Variants in DCT observed in about 807,000 individuals in gnomAD.
The protein encoded by DCT is L-dopachrome tautomerase.
Under a neutral mutation model 53.0 loss-of-function variants are expected in DCT, and 47 were observed. The ratio of observed to expected loss-of-function variants is 0.89; its 90% CI spans 0.70 to 1.13. The LOEUF (loss-of-function observed/expected upper bound fraction) is 1.13, where lower values mean the gene tolerates loss of function less well. Among genes scored for constraint, DCT ranks in the 50% most tolerant of loss-of-function variants. The pLI is 0.00. For synonymous variants in DCT, 244 were observed against 237.0 expected, an observed-to-expected ratio of 1.03 and a Z score of -0.27; for missense variants, 669 against 637.4, an observed-to-expected ratio of 1.05 and a Z score of -0.53.
chr13:94,448,797 G>A lies in DCT; in HGVS notation c.1180-5160C>T, dbSNP rs61460768. Reference sequence around the variant, plus strand: ...CGTGCACCTGTGATCCCAGCTATTCGGGAGGCTGAGGCAGGAGAGTCACTT... The same window carrying A: ...CGTGCACCTGTGATCCCAGCTATTCAGGAGGCTGAGGCAGGAGAGTCACTT... On this transcript the variant is annotated intron_variant, in intron 6 of 7. Coordinates refer to ENST00000377028, the MANE Select transcript of DCT (RefSeq NM_001922.5). 5.1e-3 allele frequency among the ~76,000 whole-genome samples: 775 copies of A among 152,048 alleles called. 4 individuals carry two copies. The highest frequency in any genetic ancestry group is 0.018 in the African/African-American group (748 of 41,466).
At chr13:94,503,604 A>G in the DCT span, among the ~76,000 whole-genome samples, 1 of 152,210 alleles carries the variant, frequency 6.6e-6, no homozygotes, top group Admixed American at 6.5e-5. Context: ...CCATGTGAAG[A>G]CAAAGGCAGA....
chr13:94,440,676 GTTTTTT>G (rs761688508), intron 7 of DCT, among the ~76,000 whole-genome samples: 1 of 98,038 alleles, frequency 1.0e-5, no homozygotes, highest in South Asian at 3.7e-4. Flanking sequence ...TCATTTTTTG[GTTTTTT>G]TTTTTTTTTT....
chr13:94,491,409 G>A, the DCT span, among the ~76,000 whole-genome samples: 2 of 152,100 alleles, frequency 1.3e-5, no homozygotes, highest in African/African-American at 4.8e-5. Flanking sequence ...TAGATTAGGG[G>A]CCCATCCTAC....
chr13:94,525,181 A>G, the DCT span, among the ~76,000 whole-genome samples: 1 of 151,990 alleles, frequency 6.6e-6, no homozygotes, highest in Non-Finnish European at 1.5e-5. Flanking sequence ...GCTCACTGCA[A>G]CTTCCACCCC....
At chr13:94,546,587 G>A in the DCT span, among the ~76,000 whole-genome samples, 27 of 152,198 alleles carry the variant, frequency 1.8e-4, no homozygotes, top group East Asian at 5.2e-3. This position sits in a 1 kb window ranked among gnomAD's most constrained non-coding sequence, Gnocchi z 4.2. Flanking sequence ...AGCTAGTCAG[G>A]CATGAGCACA....
chr13:94,453,919 C>A (rs1242999507), intron 6 of DCT, among the ~76,000 whole-genome samples: 2 of 152,146 alleles, frequency 1.3e-5, no homozygotes, highest in Non-Finnish European at 2.9e-5. Context: ...GACTGATACA[C>A]CTATCCTTCT....
At chr13:94,454,119 T>C (rs1883266130) in intron 6 of DCT, among the ~76,000 whole-genome samples, 1 of 152,212 alleles carries the variant, frequency 6.6e-6, no homozygotes, top group Non-Finnish European at 1.5e-5. Flanking sequence ...TGCTGCACAT[T>C]TTCTAAATTA....
chr13:94,497,115 AAC>A, the DCT span, among the ~76,000 whole-genome samples: 1 of 152,214 alleles, frequency 6.6e-6, no homozygotes, highest in African/African-American at 2.4e-5. Flanking sequence ...GGATGAAATT[AAC>A]ATTTAAATGG....
the DCT span, among the ~76,000 whole-genome samples, chr13:94,515,838 C>T: frequency 1.3e-5 from 2 of 151,998 alleles, no homozygotes; most frequent in East Asian, 1.9e-4. Context: ...TTGGGGTAGG[C>T]GACGTGATCT....
chr13:94,503,422 GGAAA>G, the DCT span, among the ~76,000 whole-genome samples: 152 of 144,762 alleles, frequency 1.0e-3, no homozygotes, highest in Admixed American at 3.2e-3. Flanking sequence ...GGGAGGTGGG[GGAAA>G]GAAAGAAAGA....
chr13:94,531,017 T>G, the DCT span, among the ~76,000 whole-genome samples: 36 of 152,188 alleles, frequency 2.4e-4, no homozygotes, highest in African/African-American at 7.5e-4. Flanking sequence ...GAGAGTCAAA[T>G]CATAAGTGAA....
the DCT span, among the ~76,000 whole-genome samples, chr13:94,501,111 A>C: frequency 6.6e-6 from 1 of 151,224 alleles, no homozygotes; most frequent in Non-Finnish European, 1.5e-5. Context: ...CTAAAAATAC[A>C]AAAAAAAATT....
the DCT span, among the ~76,000 whole-genome samples, chr13:94,496,978 T>C: frequency 2.0e-5 from 3 of 152,228 alleles, no homozygotes; most frequent in African/African-American, 7.2e-5. Flanking sequence ...AACTAAATTG[T>C]GTCTCATAAA....
At chr13:94,511,360 CTCTTT>C in the DCT span, among the ~76,000 whole-genome samples, 1 of 141,068 alleles carries the variant, frequency 7.1e-6, no homozygotes, top group Non-Finnish European at 1.5e-5. Flanking sequence ...CTCTCTCTCT[CTCTTT>C]TTTTTTTTTT....
At chr13:94,461,111 G>A (rs1458192551) in intron 5 of DCT, among the ~76,000 whole-genome samples, 4 of 152,160 alleles carry the variant, frequency 2.6e-5, no homozygotes, top group Admixed American at 2.0e-4. Context: ...GTTTTTCATT[G>A]TGACAAAAGT....
intron 6 of DCT, among the ~76,000 whole-genome samples, chr13:94,445,091 T>A (rs1882632652): frequency 6.6e-6 from 1 of 152,222 alleles, no homozygotes; most frequent in African/African-American, 2.4e-5. Context: ...TTTATTTACA[T>A]AAACAGTTTG....
chr13:94,469,008 A>G lies in DCT; in HGVS notation c.333T>C (p.Phe111=), dbSNP rs1240325777. ...FAGYNCGDCK[F]GWTGPNCERK... ...GCTCGCAGTTGGGACCGGTCCAGCC[A>G]AACTTGCAGTCTCCACAATTATAGC... The change falls in exon 2 of 8, where the codon TTT becomes TTC. Residue 111 remains phenylalanine (F), a synonymous_variant. Coordinates refer to ENST00000377028, the MANE Select transcript of DCT (RefSeq NM_001922.5). 1.9e-6 allele frequency: 3 copies of G among 1,614,036 alleles called. No individual in the cohort carries two copies. The East Asian group carries it at 6.7e-5, about 36-fold the overall frequency.
chr13:94,528,275 G>A, the DCT span, among the ~76,000 whole-genome samples: 3 of 152,030 alleles, frequency 2.0e-5, no homozygotes, highest in African/African-American at 7.3e-5. Context: ...TTCAAATTCA[G>A]GAAATAAAGA....
At chr13:94,447,867 G>C (rs139016356) in intron 6 of DCT, among the ~76,000 whole-genome samples, 1 of 152,316 alleles carries the variant, frequency 6.6e-6, no homozygotes, top group African/African-American at 2.4e-5. Flanking sequence ...AAGGCAATTA[G>C]TAATCTGGAG....
Sources: allele counts gnomAD v4.1 joint callset (sites outside exome capture counted in the v4.1 genomes callset), GRCh38; gene constraint gnomAD v4.1.1; non-coding constraint Gnocchi (gnomAD v3.1); transcripts MANE v1.5; gene names NCBI Gene and HGNC (gene_info 2026-07-23, HGNC 2026-07-21).